The following LAMA2 variants were observed in gnomAD, a reference collection of about 807,000 sequenced individuals.
LAMA2 encodes laminin subunit alpha 2, also known as laminin subunit alpha-2.
A neutral mutation model predicts 364.8 loss-of-function variants in LAMA2; 269 were observed. The ratio of observed to expected loss-of-function variants is 0.74; its 90% CI spans 0.67 to 0.82. The LOEUF is 0.82. Among genes scored for constraint, LAMA2 ranks in the 40% least tolerant of loss-of-function variants. LAMA2 has a pLI of 0.00. For synonymous variants in LAMA2, 1,379 were observed against 1,370.6 expected (o/e 1.01, Z -0.14); for missense variants, 3,807 against 3,873.2 (o/e 0.98, Z 0.45).
intron 48 of LAMA2, among the ~76,000 whole-genome samples, chr6:129,457,013 T>C (rs546528860): frequency 9.2e-5 from 14 of 152,302 alleles, no homozygotes; most frequent in African/African-American, 3.4e-4. Flanking sequence ...TCCTTGCGCA[T>C]TTCAAATTGC....
At chr6:129,008,639 T>A (rs1018187937) in intron 1 of LAMA2, among the ~76,000 whole-genome samples, 9 of 152,176 alleles carry the variant, frequency 5.9e-5, no homozygotes, top group Non-Finnish European at 1.5e-5. Context: ...TAAACATAGA[T>A]GCAAAAGTAA....
intron 29 of LAMA2, among the ~76,000 whole-genome samples, chr6:129,339,850 A>G (rs540339161): frequency 6.6e-6 from 1 of 152,230 alleles, no homozygotes; most frequent in Non-Finnish European, 1.5e-5. Context: ...TGAAAATACG[A>G]AAATTAACTG....
At chr6:129,007,443 T>C (rs920151882) in intron 1 of LAMA2, among the ~76,000 whole-genome samples, 4 of 152,072 alleles carry the variant, frequency 2.6e-5, no homozygotes, top group African/African-American at 4.8e-5. Context: ...GAATTGAGGA[T>C]TCTAGATGCT....
At chr6:129,096,502 T>A (rs1275107320) in intron 3 of LAMA2, among the ~76,000 whole-genome samples, 1 of 152,220 alleles carries the variant, frequency 6.6e-6, no homozygotes, top group East Asian at 1.9e-4. Flanking sequence ...CATAGATATG[T>A]GTGTCTATCT....
chr6:129,386,256 A>G (rs374716749), intron 35 of LAMA2, among the ~76,000 whole-genome samples: 9 of 152,104 alleles, frequency 5.9e-5, no homozygotes, highest in African/African-American at 2.2e-4. Flanking sequence ...GTGATAGTGC[A>G]TACTTTTGAA....
intron 21 of LAMA2, 38 bp from the exon 22 acceptor site, chr6:129,300,696 ATT>A: frequency 6.2e-7 from 1 of 1,609,734 alleles, no homozygotes; most frequent in Non-Finnish European, 8.5e-7. Flanking sequence ...AATTTTTACT[ATT>A]TTTCCCCTTC....
At chr6:129,208,928 A>T (rs1037191655) in intron 12 of LAMA2, among the ~76,000 whole-genome samples, 7 of 152,308 alleles carry the variant, frequency 4.6e-5, no homozygotes, top group African/African-American at 1.4e-4. Flanking sequence ...ATCTGGTAGG[A>T]CAGTAAATGG....
intron 4 of LAMA2, among the ~76,000 whole-genome samples, chr6:129,140,457 T>C (rs914444597): frequency 6.6e-6 from 1 of 152,058 alleles, no homozygotes; most frequent in Non-Finnish European, 1.5e-5. Context: ...TGGAATGAAT[T>C]CCTGTGACAG....
intron 1 of LAMA2, among the ~76,000 whole-genome samples, chr6:128,911,808 GT>G (rs1777985100): frequency 6.6e-6 from 1 of 152,186 alleles, no homozygotes; most frequent in African/African-American, 2.4e-5. Context: ...GGCCCTCACT[GT>G]TTTTTTGCTG....
intron 1 of LAMA2, among the ~76,000 whole-genome samples, chr6:129,045,777 C>T (rs2114764012): frequency 6.6e-6 from 1 of 152,268 alleles, no homozygotes; most frequent in Admixed American, 6.5e-5. Flanking sequence ...TTGGCTTCCT[C>T]CCATGATTGC....
At chr6:129,182,683 A>T (rs1476306013) in intron 10 of LAMA2, among the ~76,000 whole-genome samples, 3 of 151,804 alleles carry the variant, frequency 2.0e-5, no homozygotes, top group East Asian at 1.9e-4. Flanking sequence ...TATTATAATT[A>T]AAAAATTTAA....
chr6:129,224,286 T>C (rs895441326), intron 12 of LAMA2, among the ~76,000 whole-genome samples: 6 of 152,218 alleles, frequency 3.9e-5, no homozygotes, highest in African/African-American at 1.4e-4. Context: ...TTATGTCATC[T>C]GCAAACAGGG....
At chr6:128,944,227 A>T (rs1487934922) in intron 1 of LAMA2, among the ~76,000 whole-genome samples, 2 of 152,210 alleles carry the variant, frequency 1.3e-5, no homozygotes, top group South Asian at 2.1e-4. Flanking sequence ...TGCACAGTTA[A>T]GGTACCCCAC....
At chr6:128,900,588 G>A (rs1043440866) in intron 1 of LAMA2, among the ~76,000 whole-genome samples, 1 of 152,174 alleles carries the variant, frequency 6.6e-6, no homozygotes, top group Non-Finnish European at 1.5e-5. Context: ...AAGAACTAAA[G>A]AGAATTTACC....
intron 37 of LAMA2, among the ~76,000 whole-genome samples, chr6:129,397,701 G>T (rs1409346437): frequency 1.3e-5 from 2 of 151,602 alleles, no homozygotes; most frequent in East Asian, 3.9e-4. Context: ...GGATCATGAG[G>T]TCAGGAGATC....
intron 12 of LAMA2, among the ~76,000 whole-genome samples, chr6:129,238,867 T>C (rs377014250): frequency 6.6e-6 from 1 of 152,276 alleles, no homozygotes; most frequent in South Asian, 2.1e-4. Flanking sequence ...GGTTCAGCAA[T>C]TGGGTCTCCT....
At chr6:129,018,375 T>C (rs1785205660) in intron 1 of LAMA2, among the ~76,000 whole-genome samples, 1 of 151,946 alleles carries the variant, frequency 6.6e-6, no homozygotes, top group South Asian at 2.1e-4. Context: ...TCAGAAATGT[T>C]AACTCAGGTC....
rs77023269 is a variant in LAMA2 at position 129,477,442 on chromosome 6, T to G, written c.7452-1251T>G. On this transcript the variant is annotated intron_variant, in intron 53 of 64. Transcript: ENST00000421865. ...GTGTGCAGTGCTATTCCTTAATTTA[T>G]TAAACCTTTGCAATTTGATTATGTA... Among the ~76,000 whole-genome samples the G allele has an allele frequency of 8.9e-3, 1,355 of 152,286 alleles. 13 individuals carry two copies. Among genetic ancestry groups the G allele is most frequent in the African/African-American group, 0.031 (1,281 of 41,556 alleles).
At chr6:129,416,551 C>G (rs2114721065) in intron 40 of LAMA2, among the ~76,000 whole-genome samples, 1 of 152,240 alleles carries the variant, frequency 6.6e-6, no homozygotes, top group South Asian at 2.1e-4. Context: ...CGCCCAGAGC[C>G]AGACCCTTTG....
Sources: allele counts gnomAD v4.1 joint callset (sites outside exome capture counted in the v4.1 genomes callset), GRCh38; gene constraint gnomAD v4.1.1; transcripts MANE v1.5; gene names NCBI Gene and HGNC (gene_info 2026-07-23, HGNC 2026-07-21).